Variants in EPN2 observed in about 807,000 individuals in gnomAD.
The protein encoded by EPN2 is epsin-2.
A neutral mutation model predicts 61.7 loss-of-function variants in EPN2; 34 were observed. The ratio of observed to expected loss-of-function variants is 0.55; its 90% CI spans 0.42 to 0.73. The LOEUF is 0.73. Among genes scored for constraint, EPN2 ranks in the 30% least tolerant of loss-of-function variants. EPN2 has a pLI of 0.00. For missense variants in EPN2, 714 were observed against 839.2 expected (o/e 0.85, Z 1.84); for synonymous variants, 349 against 353.6 (o/e 0.99, Z 0.15).
At chr17:19,315,765 A>G (rs1906353965) in intron 7 of EPN2, among the ~76,000 whole-genome samples, 1 of 152,204 alleles carries the variant, frequency 6.6e-6, no homozygotes, top group South Asian at 2.1e-4. Context: ...GATTACAGGC[A>G]TGAGGCACCG....
chr17:19,318,224 G>A (rs930210141), intron 7 of EPN2, among the ~76,000 whole-genome samples: 2 of 152,176 alleles, frequency 1.3e-5, no homozygotes, highest in African/African-American at 4.8e-5. Context: ...TGTCTGGGCT[G>A]TGACCAACTT....
In EPN2 at chr17:19,285,733, T is replaced by C. The variant is rs143956856; in HGVS notation, c.709T>C (p.Ser237Pro). 52 of 1,608,270 alleles carry C rather than the reference T, an allele frequency of 3.2e-5. No individual in the cohort carries two copies. In the African/African-American group the frequency reaches 6.0e-4, roughly 19 times the overall value. Residue 237 changes from serine (S) to proline (P), a missense_variant, in exon 4 of 11, where the codon TCC becomes CCC. Ser to Pro is a moderately conservative substitution (Grantham distance 74). Transcript: ENST00000314728. The surrounding 1 kb of genome is among the most constrained non-coding windows in gnomAD (Gnocchi z 4.5). Reference sequence around the variant, plus strand: ...CTTCCTGCCGCACCTGGGGCTGGCCTCCCGCCCAAATGGCGACTGGTCCCA... The same window carrying C: ...CTTCCTGCCGCACCTGGGGCTGGCCCCCCGCCCAAATGGCGACTGGTCCCA... ...HPFLPHLGLA[S>P]RPNGDWSQPC...
At chr17:19,307,764 C>T (rs772933151) in intron 4 of EPN2, among the ~76,000 whole-genome samples, 3 of 152,226 alleles carry the variant, frequency 2.0e-5, no homozygotes, top group Non-Finnish European at 4.4e-5. Flanking sequence ...CCCGGCCCCA[C>T]CTCAGCCCTC....
intron 1 of EPN2, among the ~76,000 whole-genome samples, chr17:19,246,567 TG>T (rs2044951362): frequency 6.6e-6 from 1 of 152,046 alleles, no homozygotes; most frequent in South Asian, 2.1e-4. Flanking sequence ...GCCCTGCACT[TG>T]TGGGAGGCCC....
rs1013094131 is a variant in EPN2 at position 19,243,384 on chromosome 17, AT to A, written c.-294+5881del. Among the ~76,000 whole-genome samples, 278 of 77,248 alleles carry A rather than the reference AT, an allele frequency of 3.6e-3. 9 individuals carry two copies. The East Asian group carries it at 0.096, about 27-fold the overall frequency. 50.7% of individuals were successfully genotyped at this position (77,248 alleles called of 152,430 possible). ...AGGTGTGTGCTACCATGCCTGGCTA[AT>A]TTTTTTTTTTTTTTTTTTTTTTTTT... is the stretch of plus-strand genomic sequence containing the variant. On this transcript the variant is annotated intron_variant, in intron 1 of 10. Transcript: ENST00000314728.
chr17:19,246,710 G>A (rs1483960106), intron 1 of EPN2, among the ~76,000 whole-genome samples: 2 of 147,260 alleles, frequency 1.4e-5, no homozygotes, highest in South Asian at 2.2e-4. Flanking sequence ...ATAAAGGGAC[G>A]CAGTTGTTTT....
At position 19,334,238 on chromosome 17, in the gene EPN2, A is replaced by C; in HGVS notation, c.1910A>C (p.Asn637Thr). ...GCAGCCCAGGCCACTGGCACAACCAACCCTTTCCTTCTCTAGTGCCTGGGC... is the reference window on the plus strand; with the variant it reads ...GCAGCCCAGGCCACTGGCACAACCACCCCTTTCCTTCTCTAGTGCCTGGGC... ...PSAAQATGTT[N>T]PFLL Residue 637 changes from asparagine (N) to threonine (T), a missense_variant, in exon 11 of 11, where the codon AAC becomes ACC. Asn to Thr is a moderately conservative substitution (Grantham distance 65). This residue lies in a region of EPN2 where 410 missense variants were observed against 421.8 expected (regional missense o/e 0.97). Coordinates refer to ENST00000314728, the MANE Select transcript of EPN2 (RefSeq NM_014964.5). This position sits in a 1 kb window ranked among gnomAD's most constrained non-coding sequence, Gnocchi z 4.9. 1 of 1,466,218 alleles carries C rather than the reference A, an allele frequency of 6.8e-7. No individual in the cohort carries two copies. Among genetic ancestry groups the C allele is most frequent in the South Asian group, 1.5e-5 (1 of 68,884 alleles). The allele number at this position is 1,466,218 out of a possible 1,614,324, so 90.8% of individuals were successfully genotyped here.
At chr17:19,260,181 G>A (rs1372010997) in intron 1 of EPN2, among the ~76,000 whole-genome samples, 1 of 152,204 alleles carries the variant, frequency 6.6e-6, no homozygotes, top group Admixed American at 6.5e-5. Context: ...TGGATGCCAG[G>A]AGCTCTGGTT....
At chr17:19,242,812 A>C in intron 1 of EPN2, among the ~76,000 whole-genome samples, 1 of 152,214 alleles carries the variant, frequency 6.6e-6, no homozygotes, top group East Asian at 1.9e-4. Flanking sequence ...TTTAGGGCTA[A>C]TGCATGATGT....
chr17:19,239,700 C>T (rs1306557002), intron 1 of EPN2, among the ~76,000 whole-genome samples: 2 of 152,240 alleles, frequency 1.3e-5, no homozygotes, highest in East Asian at 1.9e-4. Flanking sequence ...TACCAAGTTT[C>T]CCTGGTTTAC....
rs543742284 is a variant in EPN2, at chr17:19,265,481, A to G, written c.-293-16474A>G. ...TAGAAGGTGAAGACACTTCCCAAGC[A>G]TGCACTGCTCTGCATGGGGCAGAAA... On this transcript the variant is annotated intron_variant, in intron 1 of 10. Coordinates refer to ENST00000314728, the MANE Select transcript of EPN2 (RefSeq NM_014964.5). Among the ~76,000 whole-genome samples, 6 of 152,274 alleles carry G rather than the reference A, an allele frequency of 3.9e-5. No homozygotes were observed. In the South Asian group the frequency reaches 1.2e-3, roughly 32 times the overall value.
chr17:19,303,421 G>A (rs1358111621), intron 4 of EPN2, among the ~76,000 whole-genome samples: 10 of 152,160 alleles, frequency 6.6e-5, no homozygotes, highest in Admixed American at 5.9e-4. Context: ...ATGGCAGCAC[G>A]TTCTCCATTT....
intron 1 of EPN2, among the ~76,000 whole-genome samples, chr17:19,247,882 G>T (rs1405988596): frequency 6.6e-6 from 1 of 152,192 alleles, no homozygotes; most frequent in Non-Finnish European, 1.5e-5. Flanking sequence ...GAGTAAAGGG[G>T]GCCTCAGTGC....
intron 4 of EPN2, among the ~76,000 whole-genome samples, chr17:19,302,420 T>G (rs1905576240): frequency 6.6e-6 from 1 of 152,234 alleles, no homozygotes; most frequent in Admixed American, 6.5e-5. Flanking sequence ...CTTGCATTAC[T>G]GTCTGAGCTC....
Position 19,334,031 on chromosome 17 carries a change from G to A in EPN2, c.1703G>A (p.Arg568Gln), listed in dbSNP as rs747842632. The stretch of plus-strand genomic sequence containing the variant: ...CAGCCGCTGACACTGAACCAGCTTC[G>A]GGGGAGCCCAGTCCTGGGGACCAGC... ...QPQPLTLNQLRGSPVLGTSTS... is the reference protein window; with the variant it reads ...QPQPLTLNQLQGSPVLGTSTS... Residue 568 changes from arginine (R) to glutamine (Q), a missense_variant, in exon 11 of 11, where the codon CGG becomes CAG. Physicochemically the swap from Arg to Gln is conservative, Grantham distance 43. Around this residue, in one of 2 missense-constraint regions of EPN2, gnomAD observed 410 missense variants for 421.8 expected, o/e 0.97. Transcript: ENST00000314728. This position sits in a 1 kb window ranked among gnomAD's most constrained non-coding sequence, Gnocchi z 4.9. 6.9e-6 allele frequency: 11 copies of A among 1,603,752 alleles called. No homozygotes were observed. The highest frequency in any genetic ancestry group is 5.1e-5 in the Admixed American group (3 of 59,282).
At chr17:19,284,702 G>A (rs2045388143) in intron 3 of EPN2, among the ~76,000 whole-genome samples, 1 of 152,216 alleles carries the variant, frequency 6.6e-6, no homozygotes, top group Non-Finnish European at 1.5e-5. Flanking sequence ...TCAGTGTTCT[G>A]TTACCAGACC....
intron 4 of EPN2, among the ~76,000 whole-genome samples, chr17:19,291,115 G>A (rs1382710959): frequency 6.6e-6 from 1 of 152,244 alleles, no homozygotes; most frequent in African/African-American, 2.4e-5. Flanking sequence ...ATAGATACCA[G>A]AAGAAATTGG....
Position 19,242,637 on chromosome 17 carries a change from C to T in EPN2, c.-294+5106C>T, listed in dbSNP as rs1412993459. ...AGAGTGTGCTTCACTTTCAAGCCCT[C>T]TAGAGACAGGACAGGTAACTTAATT... is the stretch of plus-strand genomic sequence containing the variant. On this transcript the variant is annotated intron_variant, in intron 1 of 10. Transcript: ENST00000314728. Among the ~76,000 whole-genome samples, 3 of 152,252 alleles carry T rather than the reference C, an allele frequency of 2.0e-5. No individual in the cohort carries two copies. In the East Asian group the frequency reaches 5.8e-4, roughly 29 times the overall value.
intron 1 of EPN2, among the ~76,000 whole-genome samples, 161 bp from the exon 2 acceptor site, chr17:19,281,794 C>A (rs548370230): frequency 6.6e-6 from 1 of 152,136 alleles, no homozygotes; most frequent in Non-Finnish European, 1.5e-5. Flanking sequence ...GCTTCCTATC[C>A]GGGCCCTAGC....
Sources: allele counts gnomAD v4.1 joint callset (sites outside exome capture counted in the v4.1 genomes callset), GRCh38; gene constraint gnomAD v4.1.1; regional missense constraint gnomAD v4.1.1; non-coding constraint Gnocchi (gnomAD v3.1); transcripts MANE v1.5; gene names NCBI Gene and HGNC (gene_info 2026-07-23, HGNC 2026-07-21).